CTNNA3: variants seen among roughly 807,000 people sequenced by gnomAD.
The protein encoded by CTNNA3 is catenin alpha-3.
In CTNNA3, 76 loss-of-function variants were observed where a neutral mutation model predicts 95.7. That is an observed-to-expected ratio of 0.79 (90% confidence interval 0.66 to 0.96). The LOEUF (loss-of-function observed/expected upper bound fraction) is 0.96, where lower values mean the gene tolerates loss of function less well. CTNNA3 is among the 40% of genes least tolerant of loss of function. The pLI is 0.00. For synonymous variants in CTNNA3, 431 were observed against 374.4 expected, an observed-to-expected ratio of 1.15 and a Z score of -1.74; for missense variants, 1,191 against 1,089.8, an observed-to-expected ratio of 1.09 and a Z score of -1.31.
intron 5 of CTNNA3, among the ~76,000 whole-genome samples, chr10:67,426,412 A>C (rs1003965738): frequency 6.6e-6 from 1 of 152,134 alleles, no homozygotes; most frequent in Non-Finnish European, 1.5e-5. Context: ...GGAAATACAC[A>C]AAATTAAAGC....
chr10:66,502,633 A>C (rs114386304), intron 11 of CTNNA3, among the ~76,000 whole-genome samples: 1 of 152,084 alleles, frequency 6.6e-6, no homozygotes, highest in Non-Finnish European at 1.5e-5. Flanking sequence ...ACTCAATATT[A>C]CTTTGAAAAT....
intron 13 of CTNNA3, among the ~76,000 whole-genome samples, chr10:66,260,671 C>T (rs1310511737): frequency 6.6e-6 from 1 of 152,104 alleles, no homozygotes; most frequent in East Asian, 1.9e-4. Flanking sequence ...AAAAGCAGAA[C>T]AGGTAAATGA....
chr10:67,651,454 A>T (rs1057218608), intron 1 of CTNNA3, among the ~76,000 whole-genome samples: 1 of 151,978 alleles, frequency 6.6e-6, no homozygotes, highest in African/African-American at 2.4e-5. Flanking sequence ...CAACACATTA[A>T]CACCCCCTCC....
At chr10:66,507,265 G>C (rs1224642260) in intron 11 of CTNNA3, among the ~76,000 whole-genome samples, 5 of 152,026 alleles carry the variant, frequency 3.3e-5, no homozygotes, top group Non-Finnish European at 7.4e-5. Context: ...GGGGTACCAA[G>C]TGACAGATAC....
chr10:67,172,147 C>T (rs1862050530), intron 7 of CTNNA3, among the ~76,000 whole-genome samples: 1 of 152,240 alleles, frequency 6.6e-6, no homozygotes, highest in African/African-American at 2.4e-5. Context: ...CCTACTTCTC[C>T]TTCAAAAGCC....
Position 66,968,701 on chromosome 10 carries a change from A to T in CTNNA3, c.1048-193177T>A, listed in dbSNP as rs886795638. ...GCACCATATTGAGTCTTAAAGTTAC[A>T]TTTTTAATAGGTTAAATTTAAATAC... On this transcript the variant is annotated intron_variant, in intron 7 of 17. Coordinates refer to ENST00000433211, the MANE Select transcript of CTNNA3 (RefSeq NM_013266.4). Among the ~76,000 whole-genome samples the T allele has an allele frequency of 9.9e-5, 15 of 152,168 alleles. No homozygotes were observed. In the South Asian group the frequency reaches 2.3e-3, roughly 23 times the overall value.
Position 66,167,131 on chromosome 10 carries a change from G to A in CTNNA3, c.1885-63882C>T, listed in dbSNP as rs575027118. On this transcript the variant is annotated intron_variant, in intron 13 of 17. Transcript: ENST00000433211. ...TCACATATGCCTCTCAGAAAGAAAAGGTACCATGAAATAAGAGAAAGGGAC... is the reference window on the plus strand; with the variant it reads ...TCACATATGCCTCTCAGAAAGAAAAAGTACCATGAAATAAGAGAAAGGGAC... 2.6e-5 allele frequency among the ~76,000 whole-genome samples: 4 copies of A among 152,126 alleles called. No homozygotes were observed. The South Asian group carries it at 8.3e-4, about 32-fold the overall frequency.
intron 5 of CTNNA3, among the ~76,000 whole-genome samples, chr10:67,396,381 C>A (rs1844707231): frequency 6.6e-6 from 1 of 152,128 alleles, no homozygotes; most frequent in Non-Finnish European, 1.5e-5. Context: ...ATGGTATCAT[C>A]ATCAAAATTA....
intron 7 of CTNNA3, among the ~76,000 whole-genome samples, chr10:67,070,029 C>T (rs1221539391): frequency 6.6e-6 from 1 of 152,206 alleles, no homozygotes; most frequent in Non-Finnish European, 1.5e-5. Flanking sequence ...ACCATGAGAA[C>T]TTCCATTGCT....
intron 5 of CTNNA3, among the ~76,000 whole-genome samples, chr10:67,380,552 T>C (rs566382516): frequency 1.3e-3 from 198 of 152,330 alleles, no homozygotes; most frequent in Non-Finnish European, 2.3e-3. Flanking sequence ...CCTGTACTTA[T>C]GAAAGACTAA....
chr10:66,596,711 A>T (rs1843726284), intron 10 of CTNNA3, among the ~76,000 whole-genome samples: 1 of 152,112 alleles, frequency 6.6e-6, no homozygotes, highest in Non-Finnish European at 1.5e-5. Context: ...GACAGTAAAC[A>T]CTGAAGGAGA....
intron 14 of CTNNA3, among the ~76,000 whole-genome samples, chr10:66,093,440 A>T (rs962796029): frequency 1.3e-5 from 2 of 152,072 alleles, no homozygotes; most frequent in Admixed American, 1.3e-4. Context: ...ATGAGAATAA[A>T]GGGAGTTGGG....
chr10:67,342,733 G>A (rs12776005), intron 5 of CTNNA3, among the ~76,000 whole-genome samples: 2 of 152,152 alleles, frequency 1.3e-5, no homozygotes, highest in Non-Finnish European at 2.9e-5. Context: ...CACCTTTGTC[G>A]AAAATGAGTT....
chr10:66,657,233 T>A (rs1279605607), intron 9 of CTNNA3, among the ~76,000 whole-genome samples: 1 of 152,170 alleles, frequency 6.6e-6, no homozygotes, highest in Non-Finnish European at 1.5e-5. Flanking sequence ...ATTGAAAAGA[T>A]TAATATTCTC....
chr10:66,160,474 T>C (rs1037351091), intron 13 of CTNNA3, among the ~76,000 whole-genome samples: 1 of 152,132 alleles, frequency 6.6e-6, no homozygotes, highest in Non-Finnish European at 1.5e-5. Flanking sequence ...TTAATTTCCA[T>C]ATATTTGCAT....
intron 5 of CTNNA3, among the ~76,000 whole-genome samples, chr10:67,267,441 T>C (rs1866875372): frequency 6.6e-6 from 1 of 152,190 alleles, no homozygotes; most frequent in Admixed American, 6.5e-5. Context: ...CTTGGCTCAC[T>C]GCAAGCTCTG....
At chr10:66,811,729 C>T (rs768649220) in intron 7 of CTNNA3, among the ~76,000 whole-genome samples, 3 of 152,122 alleles carry the variant, frequency 2.0e-5, no homozygotes, top group Admixed American at 1.3e-4. Context: ...TGTGCATGAT[C>T]GCTTTAATAC....
Position 66,318,276 on chromosome 10 carries a change from A to ATATGTG in CTNNA3, c.1733-37656_1733-37655insCACATA, listed in dbSNP as rs33943741. ...GTTGCTGGGAGATATATATATATAT[A>ATATGTG]TGTGTGTGTGTGTGTGTGTGTGTGT... On this transcript the variant is annotated intron_variant, in intron 12 of 17. Coordinates refer to ENST00000433211, the MANE Select transcript of CTNNA3 (RefSeq NM_013266.4). 6.8e-3 allele frequency among the ~76,000 whole-genome samples: 923 copies of ATATGTG among 136,606 alleles called. 7 individuals are homozygous for ATATGTG. The highest frequency in any genetic ancestry group is 7.8e-3 in the Non-Finnish European group (495 of 63,340). The allele number at this position is 136,606 out of a possible 152,430, so 89.6% of individuals were successfully genotyped here.
At chr10:67,699,893 A>G (rs947543128), upstream of CTNNA3, among the ~76,000 whole-genome samples, 2 of 152,220 alleles carry the variant, frequency 1.3e-5, no homozygotes, top group Non-Finnish European at 2.9e-5. Flanking sequence ...GACAGACGGC[A>G]CCTGGAAAAT....
Sources: allele counts gnomAD v4.1 joint callset (sites outside exome capture counted in the v4.1 genomes callset), GRCh38; gene constraint gnomAD v4.1.1; transcripts MANE v1.5; gene names NCBI Gene and HGNC (gene_info 2026-07-23, HGNC 2026-07-21).